The following MSL1 variants were observed in gnomAD, a reference collection of about 807,000 sequenced individuals.
MSL1 encodes the protein male-specific lethal 1 homolog.
In MSL1, 21 loss-of-function variants were observed where a neutral mutation model predicts 64.6. The ratio of observed to expected loss-of-function variants is 0.33; its 90% CI spans 0.23 to 0.47. The LOEUF is 0.47. Among genes scored for constraint, MSL1 ranks in the 20% least tolerant of loss-of-function variants. The probability of loss-of-function intolerance (pLI) is 1.00; values close to 1 mark genes in which losing one functional copy is unlikely to be tolerated. For synonymous variants in MSL1, 339 were observed against 329.6 expected (o/e 1.03, Z -0.31); for missense variants, 664 against 793.2 (o/e 0.84, Z 1.96).
rs1232066704 is a variant in MSL1 at position 40,123,117 on chromosome 17, C to G, written c.505C>G (p.Pro169Ala). ...CTCCCCCGCTGCCACCGCCTCGGAC[C>G]CGGCGGGACCCCCACCACTACCTCT... ...AASPAATASD[P>A]AGPPPLPLPG... The change falls in exon 1 of 9, where the codon CCG becomes GCG. Residue 169 changes from proline (P) to alanine (A), a missense_variant. Coordinates refer to ENST00000398532, the MANE Select transcript of MSL1 (RefSeq NM_001365919.1). The G allele has an allele frequency of 6.5e-7, 1 of 1,531,274 alleles. No individual in the cohort carries two copies. The highest frequency in any genetic ancestry group is 8.7e-7 in the Non-Finnish European group (1 of 1,144,928). 94.9% of individuals were successfully genotyped at this position (1,531,274 alleles called of 1,614,324 possible).
chr17:40,134,203 T>C, intron 8 of MSL1, 76 bp from the exon 9 acceptor site: 1 of 1,325,234 alleles, frequency 7.5e-7, no homozygotes, highest in Non-Finnish European at 1.1e-6. Flanking sequence ...CATAGTGACT[T>C]TTTTGTAGTT....
chr17:40,133,803 C>A (rs766983487), intron 7 of MSL1, 24 bp from the exon 8 acceptor site: 1 of 1,612,862 alleles, frequency 6.2e-7, no homozygotes, highest in Non-Finnish European at 8.5e-7. Flanking sequence ...TACTAATACG[C>A]TCCCGTTTGA....
At chr17:40,129,810 A>G (rs1195078479) in intron 3 of MSL1, 183 bp downstream of exon 3, 7 of 624,886 alleles carry the variant, frequency 1.1e-5, no homozygotes, top group African/African-American at 9.5e-5. Flanking sequence ...AATTACAGCA[A>G]AATGTGCTCA....
At position 40,122,891 on chromosome 17, in the gene MSL1, A is replaced by G. The variant is rs762359020; in HGVS notation, c.279A>G (p.Glu93=). 6.1e-5 allele frequency: 87 copies of G among 1,428,006 alleles called. 1 individual carries two copies. In the Middle Eastern group the frequency reaches 1.1e-3, roughly 19 times the overall value. The allele number at this position is 1,428,006 out of a possible 1,614,324, so 88.5% of individuals were successfully genotyped here. The change falls in exon 1 of 9, where the codon GAA becomes GAG. Residue 93 remains glutamate (E), a synonymous_variant. Coordinates refer to ENST00000398532, the MANE Select transcript of MSL1 (RefSeq NM_001365919.1). The surrounding 1 kb of genome is among the most constrained non-coding windows in gnomAD (Gnocchi z 4.2). ...LPAGAAPGQQ[E]ESWGGSVPLP... Reference sequence around the variant, plus strand: ...CCGGGGCGGCCCCCGGGCAGCAGGAAGAGAGCTGGGGCGGTTCGGTGCCCT... The same window carrying G: ...CCGGGGCGGCCCCCGGGCAGCAGGAGGAGAGCTGGGGCGGTTCGGTGCCCT...
Position 40,131,604 on chromosome 17 carries a change from T to TGCTG in MSL1, c.1423+26_1423+29dup, listed in dbSNP as rs773659508. The TGCTG allele has an allele frequency of 1.7e-4, 268 of 1,612,970 alleles. No individual in the cohort carries two copies. Among genetic ancestry groups the TGCTG allele is most frequent in the Non-Finnish European group, 2.2e-4 (256 of 1,179,164 alleles). ...TGGCTGGTGAGTAGAATAGGAATTG[T>TGCTG]GCTGGCTGGGCCTGGGGTGGGGGTT... On this transcript the variant is annotated intron_variant, in intron 4 of 8. Transcript: ENST00000398532. The surrounding 1 kb of genome is among the most constrained non-coding windows in gnomAD (Gnocchi z 4.5).
intron 6 of MSL1, 193 bp from the exon 7 acceptor site, chr17:40,133,341 A>AC: frequency 1.3e-6 from 1 of 783,268 alleles, no homozygotes; most frequent in Non-Finnish European, 2.0e-6. Context: ...TTTCTGTGGA[A>AC]CACCAACACA....
chr17:40,126,105 G>T, intron 1 of MSL1, 78 bp from the exon 2 acceptor site: 1 of 1,298,816 alleles, frequency 7.7e-7, no homozygotes. Context: ...AGACTATACT[G>T]ATTCCTAAAT....
intron 2 of MSL1, 30 bp from the exon 3 acceptor site, chr17:40,129,215 T>G: frequency 2.0e-6 from 3 of 1,478,302 alleles, no homozygotes; most frequent in Non-Finnish European, 2.7e-6. Context: ...TGTCAATAAA[T>G]TTTATAATGT....
Position 40,131,342 on chromosome 17 carries a change from A to T in MSL1, c.1376-195A>T. On this transcript the variant is annotated intron_variant, in intron 3 of 8. Coordinates refer to ENST00000398532, the MANE Select transcript of MSL1 (RefSeq NM_001365919.1). The surrounding 1 kb of genome is among the most constrained non-coding windows in gnomAD (Gnocchi z 4.5). ...AAGTCGTCTCAGTGTAAAAAAAAAAAGTGGTGGGCTTATTTTCTTTTCTTT... is the reference window on the plus strand; with the variant it reads ...AAGTCGTCTCAGTGTAAAAAAAAAATGTGGTGGGCTTATTTTCTTTTCTTT... The T allele has an allele frequency of 4.1e-6, 2 of 491,114 alleles. No individual in the cohort carries two copies. Among genetic ancestry groups the T allele is most frequent in the Non-Finnish European group, 7.3e-6 (2 of 272,638 alleles). The allele number at this position is 491,114 out of a possible 1,614,324, so 30.4% of individuals were successfully genotyped here. A position where few individuals can be genotyped will look rare whatever the true frequency, so the allele number is the denominator to read the frequency against.
Position 40,123,350 on chromosome 17 carries a change from G to A in MSL1, c.738G>A (p.Glu246=). ...QQQQLQAKEK[E]IEELKSERDT... ...AGCAGCTGCAGGCCAAGGAAAAGGAGATCGAGGAGCTGAAGTCAGAGAGAG... is the reference window on the plus strand; with the variant it reads ...AGCAGCTGCAGGCCAAGGAAAAGGAAATCGAGGAGCTGAAGTCAGAGAGAG... The change falls in exon 1 of 9, where the codon GAG becomes GAA. Residue 246 remains glutamate (E), a synonymous_variant. Coordinates refer to ENST00000398532, the MANE Select transcript of MSL1 (RefSeq NM_001365919.1). The A allele has an allele frequency of 3.9e-6, 6 of 1,536,512 alleles. No homozygotes were observed. Among genetic ancestry groups the A allele is most frequent in the African/African-American group, 1.4e-5 (1 of 73,172 alleles).
Position 40,122,834 on chromosome 17 carries a change from C to T in MSL1, c.222C>T (p.Cys74=). 7.3e-7 allele frequency: 1 copy of T among 1,368,806 alleles called. No individual in the cohort carries two copies. Among genetic ancestry groups the T allele is most frequent in the Non-Finnish European group, 9.3e-7 (1 of 1,069,520 alleles). 84.8% of individuals were successfully genotyped at this position (1,368,806 alleles called of 1,614,324 possible). The change falls in exon 1 of 9, where the codon TGC becomes TGT. Residue 74 remains cysteine (C), a synonymous_variant. Transcript: ENST00000398532. This position sits in a 1 kb window ranked among gnomAD's most constrained non-coding sequence, Gnocchi z 4.2. Reference sequence around the variant, plus strand: ...GCCCCGCGCCTTCCCCGGCCGGCTGCGGCGGCAAGGGCCGGGGCTTGTTAC... The same window carrying T: ...GCCCCGCGCCTTCCCCGGCCGGCTGTGGCGGCAAGGGCCGGGGCTTGTTAC... ...GGSPAPSPAG[C]GGKGRGLLLP...
Position 40,133,712 on chromosome 17 carries a change from A to G in MSL1, c.1681+54A>G, listed in dbSNP as rs2145136955. 7.4e-6 allele frequency: 12 copies of G among 1,611,888 alleles called. 1 individual carries two copies. In the South Asian group the frequency reaches 7.7e-5, roughly 10 times the overall value. Reference sequence around the variant, plus strand: ...TTTTTGAAAGAAGGAGGAGGGTGCAAGGCTCCAGGGTACAACTTGCTCTGA... The same window carrying G: ...TTTTTGAAAGAAGGAGGAGGGTGCAGGGCTCCAGGGTACAACTTGCTCTGA... On this transcript the variant is annotated intron_variant, in intron 7 of 8. Transcript: ENST00000398532.
rs1988530348 is a variant in MSL1, at chr17:40,135,862, T to TGG, written c.*1494_*1495dup. The stretch of plus-strand genomic sequence containing the variant: ...TTTTGTGTGTGTGTGTGTGTGTGTG[T>TGG]GGCTATGGGTTTTCATTTGTAACTC... On this transcript the variant is annotated 3_prime_UTR_variant, in exon 9 of 9. Transcript: ENST00000398532. 1 of 152,118 alleles carries TGG rather than the reference T, an allele frequency of 6.6e-6. No homozygotes were observed. Among genetic ancestry groups the TGG allele is most frequent in the South Asian group, 2.1e-4 (1 of 4,826 alleles). 9.4% of individuals were successfully genotyped at this position (152,118 alleles called of 1,614,324 possible).
In MSL1 at chr17:40,134,547, T is replaced by G. The variant is rs936925278; in HGVS notation, c.*178T>G. 1.7e-5 allele frequency: 10 copies of G among 599,656 alleles called. No homozygotes were observed. The highest frequency in any genetic ancestry group is 2.9e-5 in the Non-Finnish European group (10 of 339,206). The allele number at this position is 599,656 out of a possible 1,614,324, so 37.1% of individuals were successfully genotyped here. On this transcript the variant is annotated 3_prime_UTR_variant, in exon 9 of 9. Transcript: ENST00000398532. ...TTTCACAAAAACTCTTTCATTCGGC[T>G]AATTGTGAGTTATGGAGGGTGATTG... is the stretch of plus-strand genomic sequence containing the variant.
In MSL1 at chr17:40,129,618, A is replaced by G. The variant is rs1396184915; in HGVS notation, c.1366A>G (p.Thr456Ala). The change falls in exon 3 of 9, where the codon ACT becomes GCT. Residue 456 changes from threonine to alanine, a missense_variant. Thr to Ala is a moderately conservative substitution (Grantham distance 58). This residue lies in a region of MSL1 where 119 missense variants were observed against 164.3 expected (regional missense o/e 0.72). Transcript: ENST00000398532. ...LRESSPKKEE[T>A]VARCLMPSSV... is the part of the protein sequence containing the mutation. ...GGAATCCTCTCCAAAGAAGGAGGAG[A>G]CTGTAGCAAGTAAGGCATAGAGAAC... is the stretch of plus-strand genomic sequence containing the variant. 1 of 1,602,828 alleles carries G rather than the reference A, an allele frequency of 6.2e-7. No individual in the cohort carries two copies. The highest frequency in any genetic ancestry group is 8.5e-7 in the Non-Finnish European group (1 of 1,175,032).
At chr17:40,132,796 T>C (rs1408749198) in intron 5 of MSL1, among the ~76,000 whole-genome samples, 3 of 152,202 alleles carry the variant, frequency 2.0e-5, no homozygotes, top group East Asian at 3.8e-4. Flanking sequence ...ATGTGATGTT[T>C]ACCTTGGAAA....
rs2145132612 is a variant in MSL1, at chr17:40,129,263, T to C, written c.1011T>C (p.Ser337=). The C allele has an allele frequency of 6.4e-7, 1 of 1,561,088 alleles. No individual in the cohort carries two copies. The highest frequency in any genetic ancestry group is 8.6e-7 in the Non-Finnish European group (1 of 1,161,664). ...KGHKRKSPFG[S]TERKTPVKKL... ...CTAATAGGAAATCCCCATTTGGAAGTACAGAAAGAAAGACTCCTGTTAAAA... is the reference window on the plus strand; with the variant it reads ...CTAATAGGAAATCCCCATTTGGAAGCACAGAAAGAAAGACTCCTGTTAAAA... Residue 337 remains serine, a synonymous_variant, in exon 3 of 9, where the codon AGT becomes AGC. Coordinates refer to ENST00000398532, the MANE Select transcript of MSL1 (RefSeq NM_001365919.1).
In MSL1 at chr17:40,129,522, C is replaced by T. The variant is rs867489500; in HGVS notation, c.1270C>T (p.Pro424Ser). ...CTTCTCAAGTGAGATAGAAGATTTG[C>T]CGTACCTTTCCACCACAGAAATGTA... Reference protein sequence around the residue: ...KAFSSEIEDLPYLSTTEMYLC... With the variant: ...KAFSSEIEDLSYLSTTEMYLC... Residue 424 changes from proline to serine, a missense_variant, in exon 3 of 9, where the codon CCG becomes TCG. Transcript: ENST00000398532. 1 of 1,613,930 alleles carries T rather than the reference C, an allele frequency of 6.2e-7. No homozygotes were observed. The highest frequency in any genetic ancestry group is 8.5e-7 in the Non-Finnish European group (1 of 1,179,874).
chr17:40,128,369 C>CTTTTTTT (rs145183199), intron 2 of MSL1, among the ~76,000 whole-genome samples: 1,128 of 112,688 alleles, frequency 0.01, 40 homozygotes, highest in Non-Finnish European at 0.017. Flanking sequence ...CTTGAATATT[C>CTTTTTTT]TTTTTTTTTT....
Sources: allele counts gnomAD v4.1 joint callset (sites outside exome capture counted in the v4.1 genomes callset), GRCh38; gene constraint gnomAD v4.1.1; regional missense constraint gnomAD v4.1.1; non-coding constraint Gnocchi (gnomAD v3.1); transcripts MANE v1.5; gene names NCBI Gene and HGNC (gene_info 2026-07-23, HGNC 2026-07-21).